The following PACRG variants were observed in gnomAD, a reference collection of about 807,000 sequenced individuals.
The protein encoded by PACRG is parkin coregulated gene protein.
PACRG carries 29 observed loss-of-function variants against 29.7 expected under a neutral mutation model. The ratio of observed to expected loss-of-function variants is 0.98; its 90% confidence interval spans 0.73 to 1.33. The LOEUF (loss-of-function observed/expected upper bound fraction) is 1.33, where lower values mean the gene tolerates loss of function less well. Ranked by LOEUF, PACRG falls within the 40% of genes most tolerant of loss-of-function variation. PACRG has a pLI of 0.00. For synonymous variants in PACRG, 116 were observed against 118.7 expected (o/e 0.98, Z 0.15); for missense variants, 279 against 316.2 (o/e 0.88, Z 0.89).
At chr6:162,894,739 T>G (rs1405586393) in intron 2 of PACRG, among the ~76,000 whole-genome samples, 2 of 152,358 alleles carry the variant, frequency 1.3e-5, no homozygotes, top group East Asian at 1.9e-4. Flanking sequence ...TTCTGTTCAT[T>G]GCTGTGTGAA....
chr6:163,293,452 CTAAG>C (rs1368510387), intron 4 of PACRG, among the ~76,000 whole-genome samples: 1 of 152,172 alleles, frequency 6.6e-6, no homozygotes, highest in Non-Finnish European at 1.5e-5. Flanking sequence ...GTGCTTATTT[CTAAG>C]TAATCAAAGC....
At chr6:162,920,099 G>A (rs142633563) in intron 2 of PACRG, among the ~76,000 whole-genome samples, 4 of 151,906 alleles carry the variant, frequency 2.6e-5, no homozygotes, top group East Asian at 3.9e-4. Context: ...TGATCTTGGC[G>A]CATAGAAGGT....
At chr6:162,987,212 C>A (rs981465958) in intron 2 of PACRG, among the ~76,000 whole-genome samples, 1 of 152,034 alleles carries the variant, frequency 6.6e-6, no homozygotes, top group Non-Finnish European at 1.5e-5. Context: ...TGAGTTGATC[C>A]CTTGATGTGT....
intron 2 of PACRG, chr6:162,997,310 G>A (rs1804158278): frequency 1.0e-5 from 4 of 396,498 alleles, no homozygotes; most frequent in African/African-American, 4.2e-5. Context: ...TCTGACATAT[G>A]CTAATGAAAA....
At position 163,269,928 on chromosome 6, in the gene PACRG, AAACAAAGAAAGAAAGAAAG is replaced by A. The variant is rs1783721398; in HGVS notation, c.614-44896_614-44878del. On this transcript the variant is annotated intron_variant, in intron 4 of 4. Coordinates refer to ENST00000366888, the MANE Select transcript of PACRG (RefSeq NM_001080379.2). ...AAAGAAAGAAAGAAAGAAAGAAAGA[AAACAAAGAAAGAAAGAAAG>A]AAAGAAAGAAAGAAAGAAAGAAAGA... 5.7e-5 allele frequency among the ~76,000 whole-genome samples: 2 copies of A among 35,200 alleles called. 1 individual carries two copies. Among genetic ancestry groups the A allele is most frequent in the African/African-American group, 3.4e-4 (2 of 5,830 alleles). 23.1% of individuals were successfully genotyped at this position (35,200 alleles called of 152,430 possible).
chr6:162,957,819 C>G (rs1378615151), intron 2 of PACRG, among the ~76,000 whole-genome samples: 6 of 152,030 alleles, frequency 3.9e-5, no homozygotes, highest in Non-Finnish European at 8.8e-5. Context: ...TATCTAGCCC[C>G]AACCCCAGTA....
chr6:162,873,634 C>A (rs1046611629), intron 2 of PACRG, among the ~76,000 whole-genome samples: 11 of 152,054 alleles, frequency 7.2e-5, no homozygotes, highest in Admixed American at 3.9e-4. Flanking sequence ...ACCAGGATGA[C>A]CCTCTTAGAG....
intron 4 of PACRG, among the ~76,000 whole-genome samples, chr6:163,166,525 A>G (rs1585286110): frequency 6.6e-6 from 1 of 152,374 alleles, no homozygotes; most frequent in East Asian, 1.9e-4. Flanking sequence ...AACGTGCTCA[A>G]CAAAAGATTT....
chr6:163,069,302 A>AAG (rs1554350283), intron 3 of PACRG, among the ~76,000 whole-genome samples: 22 of 151,942 alleles, frequency 1.4e-4, no homozygotes, highest in African/African-American at 5.1e-4. Flanking sequence ...AAAAAAAAAA[A>AAG]AGTAAGTTAG....
At chr6:163,264,665 A>G (rs1783460400) in intron 4 of PACRG, among the ~76,000 whole-genome samples, 1 of 152,132 alleles carries the variant, frequency 6.6e-6, no homozygotes, top group Non-Finnish European at 1.5e-5. Context: ...TGCAGGGTAT[A>G]TACACGGTGA....
chr6:162,780,268 A>G (rs1187552726), intron 1 of PACRG, among the ~76,000 whole-genome samples: 1 of 152,178 alleles, frequency 6.6e-6, no homozygotes, highest in East Asian at 1.9e-4. Flanking sequence ...CTCCCACACT[A>G]AGAGGGAAAA....
chr6:162,884,918 C>T (rs1189217647), intron 2 of PACRG, among the ~76,000 whole-genome samples: 2 of 152,306 alleles, frequency 1.3e-5, no homozygotes, highest in South Asian at 2.1e-4. Context: ...GCCCGTGTAA[C>T]GTACTGAAAT....
intron 2 of PACRG, among the ~76,000 whole-genome samples, chr6:162,884,041 G>A (rs371024802): frequency 3.3e-5 from 5 of 152,094 alleles, no homozygotes; most frequent in African/African-American, 7.2e-5. Flanking sequence ...GGGCTCAAGC[G>A]ATCCTCCCAC....
At chr6:162,963,953 G>T (rs960076878) in intron 2 of PACRG, among the ~76,000 whole-genome samples, 1 of 152,114 alleles carries the variant, frequency 6.6e-6, no homozygotes. Flanking sequence ...GAAGACTCTT[G>T]CCTAATACAT....
rs557816865 is a variant in PACRG, at chr6:163,246,890, A to G, written c.614-67937A>G. On this transcript the variant is annotated intron_variant, in intron 4 of 4. Coordinates refer to ENST00000366888, the MANE Select transcript of PACRG (RefSeq NM_001080379.2). Reference sequence around the variant, plus strand: ...ATGAGAAAGTAGGAAAGCACAGAGTATACTGTGCTTTAACAGAATAAGACT... The same window carrying G: ...ATGAGAAAGTAGGAAAGCACAGAGTGTACTGTGCTTTAACAGAATAAGACT... Among the ~76,000 whole-genome samples, 34 of 152,386 alleles carry G rather than the reference A, an allele frequency of 2.2e-4. 1 individual carries two copies. The South Asian group carries it at 6.6e-3, about 30-fold the overall frequency.
chr6:163,110,983 T>G (rs1041325993), intron 4 of PACRG, among the ~76,000 whole-genome samples: 12 of 152,346 alleles, frequency 7.9e-5, no homozygotes, highest in Admixed American at 3.9e-4. Context: ...CCAAATATGC[T>G]CTTCCCTCTT....
intron 1 of PACRG, among the ~76,000 whole-genome samples, chr6:162,754,098 C>G (rs1781717833): frequency 6.6e-6 from 1 of 151,914 alleles, no homozygotes; most frequent in Admixed American, 6.6e-5. Context: ...TTTACATTCC[C>G]CTCATCAATA....
At chr6:163,222,817 A>G (rs1253221081) in intron 4 of PACRG, among the ~76,000 whole-genome samples, 2 of 152,240 alleles carry the variant, frequency 1.3e-5, no homozygotes, top group Non-Finnish European at 2.9e-5. Context: ...TATATAAATT[A>G]CTGGGTCCAA....
intron 4 of PACRG, among the ~76,000 whole-genome samples, chr6:163,105,433 T>C (rs1815328582): frequency 6.6e-6 from 1 of 152,192 alleles, no homozygotes; most frequent in Non-Finnish European, 1.5e-5. Flanking sequence ...AAATTGACTC[T>C]GAAATTATGC....
Sources: allele counts gnomAD v4.1 joint callset (sites outside exome capture counted in the v4.1 genomes callset), GRCh38; gene constraint gnomAD v4.1.1; transcripts MANE v1.5; gene names NCBI Gene and HGNC (gene_info 2026-07-23, HGNC 2026-07-21).